Variants in BAZ2A observed in about 807,000 individuals in gnomAD.
BAZ2A encodes the protein bromodomain adjacent to zinc finger domain protein 2A.
Under a neutral mutation model 199.9 loss-of-function variants are expected in BAZ2A, and 34 were observed. The ratio of observed to expected loss-of-function variants is 0.17; its 90% CI spans 0.13 to 0.23. The LOEUF (loss-of-function observed/expected upper bound fraction) is 0.23, where lower values mean the gene tolerates loss of function less well. BAZ2A is among the 10% of genes least tolerant of loss of function. BAZ2A has a pLI of 1.00. For synonymous variants in BAZ2A, 857 were observed against 883.9 expected (o/e 0.97, Z 0.54); for missense variants, 2,002 against 2,391.1 (o/e 0.84, Z 3.39).
chr12:56,626,713 A>T (rs1020230755), intron 1 of BAZ2A, among the ~76,000 whole-genome samples: 1 of 152,234 alleles, frequency 6.6e-6, no homozygotes, highest in Non-Finnish European at 1.5e-5. Context: ...ATTTTCTCAA[A>T]ATCAGCTTTT....
intron 1 of BAZ2A, among the ~76,000 whole-genome samples, chr12:56,621,801 G>A (rs1950928135): frequency 6.6e-6 from 1 of 151,728 alleles, no homozygotes; most frequent in African/African-American, 2.4e-5. Context: ...TAATCCTCCT[G>A]CCTCAGCTTC....
chr12:56,609,389 T>A (rs1048097089), intron 10 of BAZ2A, among the ~76,000 whole-genome samples: 6 of 152,002 alleles, frequency 3.9e-5, no homozygotes, highest in African/African-American at 1.5e-4. Context: ...TGAACCTCCA[T>A]GATAGTAGAA....
rs1180809532 is a variant in BAZ2A, at chr12:56,613,967, T to G, written c.902A>C (p.Asn301Thr). ...TCCAAACCTACCTGGTGCCAGAGAG[T>G]TGAAGGGCTCCAGAGAGTCTTCACT... is the stretch of plus-strand genomic sequence containing the variant. ...ILSEDSLEPFNSLAPEPVSGG... is the reference protein window; with the variant it reads ...ILSEDSLEPFTSLAPEPVSGG... The change falls in exon 4 of 29, where the codon AAC (asparagine) becomes ACC (threonine). Residue 301 changes from asparagine (N) to threonine (T), a missense_variant. Coordinates refer to ENST00000549884, the MANE Select transcript of BAZ2A (RefSeq NM_001300905.2). 6.2e-7 allele frequency: 1 copy of G among 1,613,632 alleles called. No individual in the cohort carries two copies. Among genetic ancestry groups the G allele is most frequent in the Admixed American group, 1.7e-5 (1 of 59,992 alleles).
In BAZ2A at chr12:56,597,088, G is replaced by A. The variant is rs1308431550; in HGVS notation, c.*1530C>T. ...GGGCTCTGCTGAGCAGGAAAAGCAGGGGGCCAAGTGCCCATGGCTATAGCT... is the reference window on the plus strand; with the variant it reads ...GGGCTCTGCTGAGCAGGAAAAGCAGAGGGCCAAGTGCCCATGGCTATAGCT... On this transcript the variant is annotated 3_prime_UTR_variant, in exon 29 of 29. Transcript: ENST00000549884. The A allele has an allele frequency of 1.3e-5, 2 of 152,656 alleles. No homozygotes were observed. Among genetic ancestry groups the A allele is most frequent in the East Asian group, 1.9e-4 (1 of 5,196 alleles). 9.5% of individuals were successfully genotyped at this position (152,656 alleles called of 1,614,324 possible).
At chr12:56,603,486 C>G in intron 17 of BAZ2A, 34 bp downstream of exon 17, 1 of 1,613,796 alleles carries the variant, frequency 6.2e-7, no homozygotes, top group African/African-American at 1.3e-5. Context: ...AATTTATTTT[C>G]TAACTCCCAC....
At chr12:56,636,118 TGAGTCAGCCAGGGA>T in intron 1 of BAZ2A, 1 of 1,523,038 alleles carries the variant, frequency 6.6e-7, no homozygotes, top group Non-Finnish European at 8.9e-7. Flanking sequence ...CCACCCCTGC[TGAGTCAGCCAGGGA>T]GGGAGTAGGC....
In BAZ2A at chr12:56,597,324, G is replaced by C. The variant is rs1885908748; in HGVS notation, c.*1294C>G. 1 of 152,442 alleles carries C rather than the reference G, an allele frequency of 6.6e-6. No homozygotes were observed. Among genetic ancestry groups the C allele is most frequent in the Admixed American group, 6.6e-5 (1 of 15,260 alleles). 9.4% of individuals were successfully genotyped at this position (152,442 alleles called of 1,614,324 possible). On this transcript the variant is annotated 3_prime_UTR_variant, in exon 29 of 29. Coordinates refer to ENST00000549884, the MANE Select transcript of BAZ2A (RefSeq NM_001300905.2). Reference sequence around the variant, plus strand: ...CCAGTTCTACCACTCTCCCGTAGAAGCTTAAGATTCAAAGCTACCGAGAAG... The same window carrying C: ...CCAGTTCTACCACTCTCCCGTAGAACCTTAAGATTCAAAGCTACCGAGAAG...
Position 56,598,760 on chromosome 12 carries a change from G to T in BAZ2A, c.5570C>A (p.Ala1857Glu), listed in dbSNP as rs778667609. ...RGGYTSSEEF[A>E]ADALLVFDNC... The stretch of plus-strand genomic sequence containing the variant: ...GTCAAATACCAGGAGGGCATCAGCC[G>T]CAAACTCCTCTGAGCTGGTGTACCT... The change falls in exon 29 of 29, where the codon GCG becomes GAG. Residue 1857 changes from alanine to glutamate, a missense_variant. This residue lies in a region of BAZ2A where 76 missense variants were observed against 139.3 expected (regional missense o/e 0.55). Coordinates refer to ENST00000549884, the MANE Select transcript of BAZ2A (RefSeq NM_001300905.2). 1 of 1,611,388 alleles carries T rather than the reference G, an allele frequency of 6.2e-7. No homozygotes were observed. Among genetic ancestry groups the T allele is most frequent in the Non-Finnish European group, 8.5e-7 (1 of 1,178,736 alleles).
In BAZ2A at chr12:56,612,053, G is replaced by A; in HGVS notation, c.1329C>T (p.Ala443=). The A allele has an allele frequency of 1.2e-6, 2 of 1,613,788 alleles. No homozygotes were observed. Among genetic ancestry groups the A allele is most frequent in the South Asian group, 1.1e-5 (1 of 91,046 alleles). Residue 443 remains alanine, a synonymous_variant, in exon 6 of 29, where the codon GCC becomes GCT. Coordinates refer to ENST00000549884, the MANE Select transcript of BAZ2A (RefSeq NM_001300905.2). The part of the protein sequence containing the change: ...PAVSLVVSPA[A]SPEISPEVCP... ...AAACTTCTGGAGAGATTTCTGGGGA[G>A]GCTGCTGGAGAAACCACTAGGGAGA... is the stretch of plus-strand genomic sequence containing the variant.
chr12:56,618,225 G>A (rs1418490340), intron 1 of BAZ2A, among the ~76,000 whole-genome samples: 2 of 151,680 alleles, frequency 1.3e-5, no homozygotes, highest in Non-Finnish European at 2.9e-5. Flanking sequence ...TAAATATGAG[G>A]GTATCCCAAA....
At chr12:56,611,460 T>C in intron 7 of BAZ2A, 113 bp downstream of exon 7, 1 of 1,062,310 alleles carries the variant, frequency 9.4e-7, no homozygotes, top group Non-Finnish European at 1.4e-6. Context: ...TGTAATCTAC[T>C]CTTGTCTGGC....
chr12:56,607,911 T>C (rs1304047166), intron 10 of BAZ2A, among the ~76,000 whole-genome samples: 1 of 151,616 alleles, frequency 6.6e-6, no homozygotes, highest in African/African-American at 2.4e-5. Flanking sequence ...AGAAACCCCA[T>C]CTCTACTAAA....
intron 1 of BAZ2A, 71 bp downstream of exon 1, chr12:56,630,054 T>G: frequency 1.1e-6 from 1 of 916,410 alleles, no homozygotes; most frequent in Non-Finnish European, 1.3e-6. Flanking sequence ...GAGCTTCTGT[T>G]CCCCGAGGGA....
rs879935087 is a variant in BAZ2A, at chr12:56,604,012, CA to C, written c.3038+204del. Reference sequence around the variant, plus strand: ...TAGGCGACAGAGGAAGACTCCATCTCAAAAAAAAAAAATTACGGGAAACTGG... The same window carrying C: ...TAGGCGACAGAGGAAGACTCCATCTCAAAAAAAAAAATTACGGGAAACTGG... On this transcript the variant is annotated intron_variant, in intron 16 of 28. Transcript: ENST00000549884. Among the ~76,000 whole-genome samples, 327 of 143,104 alleles carry C rather than the reference CA, an allele frequency of 2.3e-3. 1 individual carries two copies. Among genetic ancestry groups the C allele is most frequent in the African/African-American group, 6.7e-3 (264 of 39,162 alleles). The allele number at this position is 143,104 out of a possible 152,430, so 93.9% of individuals were successfully genotyped here.
chr12:56,615,402 G>A lies in BAZ2A; in HGVS notation c.342C>T (p.Phe114=). The change falls in exon 3 of 29, where the codon TTC becomes TTT. Residue 114 remains phenylalanine (F), a synonymous_variant. Coordinates refer to ENST00000549884, the MANE Select transcript of BAZ2A (RefSeq NM_001300905.2). Reference sequence around the variant, plus strand: ...CGTTGAGTGGGTATTGTCCCCCCGAGAACTGGGAGAGAAGGGGTGGGTCCT... The same window carrying A: ...CGTTGAGTGGGTATTGTCCCCCCGAAAACTGGGAGAGAAGGGGTGGGTCCT... The part of the protein sequence containing the change: ...NLKDPPLLSQ[F]SGGQYPLNGI... 2 of 1,613,460 alleles carry A rather than the reference G, an allele frequency of 1.2e-6. No homozygotes were observed. The highest frequency in any genetic ancestry group is 2.2e-5 in the South Asian group (2 of 91,064).
chr12:56,619,718 A>C (rs1950850810), intron 1 of BAZ2A, among the ~76,000 whole-genome samples: 1 of 152,144 alleles, frequency 6.6e-6, no homozygotes, highest in Non-Finnish European at 1.5e-5. Flanking sequence ...AATTTTAAAA[A>C]TAAAAATAGG....
rs1951436732 is a variant in BAZ2A at position 56,635,882 on chromosome 12, C to T, written c.4+300G>A. ...GAGTACTGTCAAAATTTCCTTGAATCTCAACAGCTTAAATGGGGAGGAGCA... is the reference window on the plus strand; with the variant it reads ...GAGTACTGTCAAAATTTCCTTGAATTTCAACAGCTTAAATGGGGAGGAGCA... On this transcript the variant is annotated intron_variant, in intron 1 of 29. Coordinates refer to the BAZ2A transcript ENST00000379441. This position sits in a 1 kb window ranked among gnomAD's most constrained non-coding sequence, Gnocchi z 4.1. 6.6e-6 allele frequency among the ~76,000 whole-genome samples: 1 copy of T among 152,134 alleles called. No homozygotes were observed. Among genetic ancestry groups the T allele is most frequent in the South Asian group, 2.1e-4 (1 of 4,830 alleles).
chr12:56,603,749 ACACCTGTAATTCCAG>A (rs761475905), intron 16 of BAZ2A, 49 bp from the exon 17 acceptor site: 2 of 1,600,960 alleles, frequency 1.2e-6, no homozygotes, highest in East Asian at 4.5e-5. Context: ...GTGGTGGCTC[ACACCTGTAATTCCAG>A]CACTTTGGGA....
At chr12:56,621,101 C>A in intron 1 of BAZ2A, 1 of 985,384 alleles carries the variant, frequency 1.0e-6, no homozygotes, top group Non-Finnish European at 1.2e-6. Context: ...TCTCCTCTCC[C>A]CAGTTTTTTG....
Sources: gnomAD v4.1 joint callset for allele counts (sites outside exome capture counted in the v4.1 genomes callset) on GRCh38, gnomAD v4.1.1 for gene constraint, gnomAD v4.1.1 regional missense constraint, Gnocchi (gnomAD v3.1) non-coding constraint, MANE v1.5 for transcripts, NCBI Gene and HGNC (gene_info 2026-07-23, HGNC 2026-07-21) for gene names.